IL1RAP: variants seen among roughly 807,000 people sequenced by gnomAD.
The protein encoded by IL1RAP is interleukin 1 receptor accessory protein.
In IL1RAP, 35 loss-of-function variants were observed where a neutral mutation model predicts 60.7. The observed-to-expected ratio is 0.58, with a 90% CI of 0.44 to 0.76. IL1RAP has a LOEUF of 0.76. Ranked by LOEUF, IL1RAP falls within the 30% of genes least tolerant of loss-of-function variation. The pLI, the probability that IL1RAP is intolerant of heterozygous loss-of-function variation, is 0.00. For synonymous variants in IL1RAP, 268 were observed against 250.9 expected (o/e 1.07, Z -0.64); for missense variants, 572 against 693.9 (o/e 0.82, Z 1.97).
chr3:190,652,468 A>AT (rs1734446849), downstream of IL1RAP, among the ~76,000 whole-genome samples: 1 of 152,106 alleles, frequency 6.6e-6, no homozygotes, highest in South Asian at 2.1e-4. Flanking sequence ...AAAAAAAAAA[A>AT]AAATCCTATT....
At chr3:190,524,208 T>A (rs930702342) in intron 1 of IL1RAP, among the ~76,000 whole-genome samples, 3 of 152,138 alleles carry the variant, frequency 2.0e-5, no homozygotes, top group Non-Finnish European at 4.4e-5. Context: ...AATAGGTTGT[T>A]TTTTCTTGTA....
downstream of IL1RAP, among the ~76,000 whole-genome samples, chr3:190,652,235 G>A (rs140426907): frequency 2.1e-3 from 322 of 151,672 alleles, 1 homozygote; most frequent in African/African-American, 6.8e-3. Context: ...AGGCTGAAGC[G>A]GATGGATCAA....
At chr3:190,594,054 A>G (rs531593357) in intron 3 of IL1RAP, among the ~76,000 whole-genome samples, 4 of 152,370 alleles carry the variant, frequency 2.6e-5, no homozygotes, top group African/African-American at 9.6e-5. Flanking sequence ...AACCATTGTT[A>G]TCAGTGAAGA....
In IL1RAP at chr3:190,645,773, C is replaced by T; in HGVS notation, c.1276C>T (p.Arg426Cys). The change falls in exon 11 of 12, where the codon CGT (arginine) becomes TGT (cysteine). Residue 426 changes from arginine (R) to cysteine (C), a missense_variant. Physicochemically the swap from Arg to Cys is radical, Grantham distance 180 (BLOSUM62 -3). Coordinates refer to ENST00000447382, the MANE Select transcript of IL1RAP (RefSeq NM_002182.4). ...AGAAGAATTTGTATTACTGACCCTC[C>T]GTGGAGTTTTGGAGAATGAATTTGG... ...EEEEFVLLTL[R>C]GVLENEFGYK... 5 of 1,613,130 alleles carry T rather than the reference C, an allele frequency of 3.1e-6. No homozygotes were observed. Among genetic ancestry groups the T allele is most frequent in the East Asian group, 2.2e-5 (1 of 44,848 alleles).
At position 190,604,400 on chromosome 3, in the gene IL1RAP, AC is replaced by A; in HGVS notation, c.339del (p.Cys114AlafsTer3). On this transcript the variant is annotated frameshift_variant, in exon 4 of 12. Coordinates refer to ENST00000447382, the MANE Select transcript of IL1RAP (RefSeq NM_002182.4). LOFTEE classifies it high-confidence loss of function. ...PTLLNDTGNY[T>X]CMLRNTTYCS... ...TCTCCTCAATGACACTGGCAACTAT[AC>A]CTGCATGTTAAGGTAGCCTGATTCT... 6.2e-7 allele frequency: 1 copy of A among 1,612,954 alleles called. No individual in the cohort carries two copies. The highest frequency in any genetic ancestry group is 8.5e-7 in the Non-Finnish European group (1 of 1,179,838).
intron 9 of IL1RAP, among the ~76,000 whole-genome samples, chr3:190,635,800 A>T (rs1033638172): frequency 6.6e-6 from 1 of 152,214 alleles, no homozygotes; most frequent in African/African-American, 2.4e-5. Flanking sequence ...GTCTGGGAGC[A>T]GGTATCTCCA....
chr3:190,577,246 C>G (rs947488328), intron 3 of IL1RAP, among the ~76,000 whole-genome samples: 8 of 151,704 alleles, frequency 5.3e-5, no homozygotes, highest in African/African-American at 1.9e-4. Context: ...GTAGATGTTT[C>G]TGTATAAAAA....
chr3:190,588,565 C>T (rs1425518543), intron 3 of IL1RAP, among the ~76,000 whole-genome samples: 1 of 152,198 alleles, frequency 6.6e-6, no homozygotes, highest in Non-Finnish European at 1.5e-5. Context: ...CACACACACA[C>T]AAGATGTTTG....
At chr3:190,553,596 T>A (rs1368907719) in intron 1 of IL1RAP, among the ~76,000 whole-genome samples, 1 of 151,874 alleles carries the variant, frequency 6.6e-6, no homozygotes, top group East Asian at 1.9e-4. Flanking sequence ...CCAGCCGGGA[T>A]GGGACGGGGA....
intron 1 of IL1RAP, among the ~76,000 whole-genome samples, chr3:190,522,403 CTATCTATGTATCTATG>C (rs1228858381): frequency 7.4e-6 from 1 of 134,890 alleles, no homozygotes; most frequent in African/African-American, 2.9e-5. Context: ...TTCTATGTAT[CTATCTATGTATCTATG>C]TATCTATCTA....
intron 3 of IL1RAP, among the ~76,000 whole-genome samples, chr3:190,583,441 ATC>A (rs1187045113): frequency 6.6e-6 from 1 of 152,226 alleles, no homozygotes; most frequent in East Asian, 1.9e-4. Context: ...GTAGTTACTG[ATC>A]TCTGTTTTTA....
In IL1RAP at chr3:190,564,332, A is replaced by T. The variant is rs1726176348; in HGVS notation, c.43A>T (p.Ile15Phe). 6.2e-7 allele frequency: 1 copy of T among 1,611,798 alleles called. No individual in the cohort carries two copies. Among genetic ancestry groups the T allele is most frequent in the African/African-American group, 1.3e-5 (1 of 74,850 alleles). Reference protein sequence around the residue: ...WCVVSLYFYGILQSDASERCD... With the variant: ...WCVVSLYFYGFLQSDASERCD... ...TGTAGTGAGTCTCTACTTTTATGGA[A>T]TCCTGCAAAGTGATGCCTCAGGTAA... Residue 15 changes from isoleucine to phenylalanine, a missense_variant, in exon 3 of 12, where the codon ATC (isoleucine) becomes TTC (phenylalanine). Ile to Phe is a conservative substitution (Grantham distance 21). Coordinates refer to ENST00000447382, the MANE Select transcript of IL1RAP (RefSeq NM_002182.4).
intron 5 of IL1RAP, among the ~76,000 whole-genome samples, chr3:190,616,595 A>G (rs573393657): frequency 1.3e-5 from 2 of 152,304 alleles, no homozygotes; most frequent in South Asian, 4.1e-4. Flanking sequence ...TTTTATACCA[A>G]CTTTATCTTG....
chr3:190,582,484 A>G (rs145631178), intron 3 of IL1RAP, among the ~76,000 whole-genome samples: 1 of 151,732 alleles, frequency 6.6e-6, no homozygotes. Flanking sequence ...CACCCAGGCT[A>G]ATTTTGTATT....
intron 3 of IL1RAP, among the ~76,000 whole-genome samples, chr3:190,593,605 A>G (rs1264572845): frequency 1.3e-5 from 2 of 152,150 alleles, no homozygotes; most frequent in East Asian, 1.9e-4. Context: ...CACGTCTTAC[A>G]TGTCAGCAGG....
rs1201486327 is a variant in IL1RAP at position 190,650,192 on chromosome 3, TGTCA to T, written c.*1490_*1493del. The T allele has an allele frequency of 2.0e-6, 2 of 984,490 alleles. No homozygotes were observed. Among genetic ancestry groups the T allele is most frequent in the Non-Finnish European group, 2.4e-6 (2 of 829,064 alleles). 61.0% of individuals were successfully genotyped at this position (984,490 alleles called of 1,614,324 possible). On this transcript the variant is annotated 3_prime_UTR_variant, in exon 12 of 12. Coordinates refer to ENST00000447382, the MANE Select transcript of IL1RAP (RefSeq NM_002182.4). ...TTATGTTTTTACTGGAATGTTTTTGTGTCAGTGTTTTCTGTACATATTATTTGTT... is the reference window on the plus strand; with the variant it reads ...TTATGTTTTTACTGGAATGTTTTTGTGTGTTTTCTGTACATATTATTTGTT...
At chr3:190,619,720 CCT>C in intron 5 of IL1RAP, among the ~76,000 whole-genome samples, 1 of 146,590 alleles carries the variant, frequency 6.8e-6, no homozygotes. Flanking sequence ...CTGATGAGAC[CCT>C]ATCTCAAAAA....
chr3:190,590,544 C>T lies in IL1RAP; in HGVS notation c.65-13584C>T, dbSNP rs535616460. 5.3e-5 allele frequency among the ~76,000 whole-genome samples: 8 copies of T among 152,264 alleles called. No homozygotes were observed. The South Asian group carries it at 1.7e-3, about 32-fold the overall frequency. Reference sequence around the variant, plus strand: ...TGCTGGGATTACAAGGTGTGAGCCACCGTGCCTGGCCAGGATTCTTCTTTC... The same window carrying T: ...TGCTGGGATTACAAGGTGTGAGCCATCGTGCCTGGCCAGGATTCTTCTTTC... On this transcript the variant is annotated intron_variant, in intron 3 of 11. Transcript: ENST00000447382.
intron 2 of IL1RAP, among the ~76,000 whole-genome samples, chr3:190,561,227 A>G (rs1004074670): frequency 6.6e-6 from 1 of 152,190 alleles, no homozygotes; most frequent in African/African-American, 2.4e-5. Context: ...ATTACTCTTT[A>G]CGATAATAAA....
Sources: gnomAD v4.1 joint callset for allele counts (sites outside exome capture counted in the v4.1 genomes callset) on GRCh38, gnomAD v4.1.1 for gene constraint, MANE v1.5 for transcripts, NCBI Gene and HGNC (gene_info 2026-07-23, HGNC 2026-07-21) for gene names.